CORO2B: variants seen among roughly 807,000 people sequenced by gnomAD.
CORO2B encodes coronin-2B.
CORO2B carries 26 observed loss-of-function variants against 58.8 expected under a neutral mutation model. The ratio of observed to expected loss-of-function variants is 0.44; its 90% CI spans 0.32 to 0.61. The LOEUF (loss-of-function observed/expected upper bound fraction) is 0.61, where lower values mean the gene tolerates loss of function less well. Ranked by LOEUF, CORO2B falls within the 20% of genes least tolerant of loss-of-function variation. CORO2B has a pLI of 0.04. For missense variants in CORO2B, 460 were observed against 645.1 expected (o/e 0.71, Z 3.11); for synonymous variants, 242 against 253.8 (o/e 0.95, Z 0.44).
At chr15:68,617,732 G>A (rs947583760) in intron 1 of CORO2B, among the ~76,000 whole-genome samples, 1 of 152,122 alleles carries the variant, frequency 6.6e-6, no homozygotes, top group African/African-American at 2.4e-5. Context: ...AGGGAGTCCT[G>A]GGTAAGCAGG....
chr15:68,534,182 A>G, the CORO2B span, among the ~76,000 whole-genome samples: 8 of 152,226 alleles, frequency 5.3e-5, no homozygotes, highest in African/African-American at 1.9e-4. Context: ...GATGCAGCTT[A>G]CCACCTTCAT....
intron 1 of CORO2B, among the ~76,000 whole-genome samples, chr15:68,623,418 G>A (rs545217737): frequency 6.6e-6 from 1 of 152,186 alleles, no homozygotes; most frequent in East Asian, 1.9e-4. Context: ...GTCCATGCAT[G>A]TGGAAGCCTG....
chr15:68,670,058 GA>G (rs34793532), intron 2 of CORO2B, among the ~76,000 whole-genome samples: 6 of 141,970 alleles, frequency 4.2e-5, no homozygotes, highest in South Asian at 2.2e-4. Context: ...CTCTGTCTCA[GA>G]AAAAAAAAAG....
At chr15:68,520,980 T>C in the CORO2B span, among the ~76,000 whole-genome samples, 285 of 151,790 alleles carry the variant, frequency 1.9e-3, 1 homozygote, top group African/African-American at 6.4e-3. Context: ...ACCTGGGAGG[T>C]GGAGGTTGAA....
chr15:68,683,892 G>A (rs991835547), intron 2 of CORO2B, among the ~76,000 whole-genome samples: 1 of 152,224 alleles, frequency 6.6e-6, no homozygotes, highest in Non-Finnish European at 1.5e-5. Context: ...GGCATGGGCA[G>A]TAGACTGAGG....
Position 68,713,998 on chromosome 15 carries a change from G to C in CORO2B, c.722G>C (p.Gly241Ala). Reference sequence around the variant, plus strand: ...AACATGAAGCGGCTCCTCACGACAGGGGTCTCCAGGTGGAACACAAGACAG... The same window carrying C: ...AACATGAAGCGGCTCCTCACGACAGCGGTCTCCAGGTGGAACACAAGACAG... ...LGNMKRLLTT[G>A]VSRWNTRQIA... Residue 241 changes from glycine (G) to alanine (A), a missense_variant, in exon 6 of 12, where the codon GGG becomes GCG. This residue lies in a region of CORO2B where 352 missense variants were observed against 543.0 expected (regional missense o/e 0.65). Coordinates refer to ENST00000261861, the MANE Select transcript of CORO2B (RefSeq NM_006091.5). The C allele has an allele frequency of 1.2e-6, 2 of 1,614,066 alleles. No individual in the cohort carries two copies. Among genetic ancestry groups the C allele is most frequent in the East Asian group, 2.2e-5 (1 of 44,870 alleles).
the CORO2B span, among the ~76,000 whole-genome samples, chr15:68,561,480 G>A: frequency 2.6e-5 from 4 of 152,316 alleles, no homozygotes; most frequent in Non-Finnish European, 5.9e-5. Flanking sequence ...GCTAACTGGG[G>A]CCCAGCGGGA....
the CORO2B span, among the ~76,000 whole-genome samples, chr15:68,540,614 G>T: frequency 6.6e-6 from 1 of 152,226 alleles, no homozygotes; most frequent in Non-Finnish European, 1.5e-5. Flanking sequence ...CAGAGCTGCT[G>T]TATACATTTT....
intron 2 of CORO2B, among the ~76,000 whole-genome samples, chr15:68,687,831 T>G (rs957612978): frequency 2.0e-5 from 3 of 152,188 alleles, no homozygotes; most frequent in African/African-American, 4.8e-5. Flanking sequence ...CTCACTTTTA[T>G]AACAAACCCA....
intron 8 of CORO2B, among the ~76,000 whole-genome samples, chr15:68,717,238 C>T (rs1373870576): frequency 2.6e-4 from 40 of 151,452 alleles, no homozygotes; most frequent in Non-Finnish European, 8.8e-5. Context: ...CGCTTGAACC[C>T]GGGAGGCAGA....
At chr15:68,571,108 G>A in the CORO2B span, among the ~76,000 whole-genome samples, 1 of 152,192 alleles carries the variant, frequency 6.6e-6, no homozygotes, top group South Asian at 2.1e-4. Context: ...TAGTGATCTG[G>A]ATGGTAAATA....
chr15:68,621,360 G>A (rs61297577), intron 1 of CORO2B, among the ~76,000 whole-genome samples: 4 of 152,222 alleles, frequency 2.6e-5, no homozygotes, highest in Non-Finnish European at 2.9e-5. Flanking sequence ...GAGCAAGCAC[G>A]ATGCAGGGAG....
chr15:68,690,592 C>T (rs1429860350), intron 2 of CORO2B, among the ~76,000 whole-genome samples: 3 of 150,774 alleles, frequency 2.0e-5, no homozygotes, highest in African/African-American at 7.3e-5. Flanking sequence ...TACATTATTA[C>T]AATCATGTAA....
the CORO2B span, among the ~76,000 whole-genome samples, chr15:68,538,722 A>C: frequency 6.6e-6 from 1 of 151,962 alleles, no homozygotes; most frequent in African/African-American, 2.4e-5. Context: ...TATAACAAAA[A>C]AAACCCAGCT....
In CORO2B at chr15:68,612,740, C is replaced by T. The variant is rs556086295; in HGVS notation, c.16-32420C>T. ...ATGAAGAAACTCATGATCCTCACGC[C>T]GCAGTCTCCTCCTCTGCAAATGAGG... is the stretch of plus-strand genomic sequence containing the variant. On this transcript the variant is annotated intron_variant, in intron 1 of 11. Transcript: ENST00000261861. Among the ~76,000 whole-genome samples the T allele has an allele frequency of 2.1e-4, 32 of 152,304 alleles. No homozygotes were observed. The South Asian group carries it at 3.7e-3, about 18-fold the overall frequency.
At chr15:68,528,283 A>G in the CORO2B span, among the ~76,000 whole-genome samples, 115 of 152,248 alleles carry the variant, frequency 7.6e-4, no homozygotes, top group African/African-American at 2.5e-3. Context: ...CGTTTTTTAT[A>G]TATTCTCTTT....
chr15:68,675,923 T>TA (rs1325073377), intron 2 of CORO2B, among the ~76,000 whole-genome samples: 1 of 151,804 alleles, frequency 6.6e-6, no homozygotes, highest in Non-Finnish European at 1.5e-5. Flanking sequence ...AGACAGATAA[T>TA]AAAGTGGATT....
At chr15:68,614,749 G>A (rs1006539720) in intron 1 of CORO2B, among the ~76,000 whole-genome samples, 1 of 152,212 alleles carries the variant, frequency 6.6e-6, no homozygotes, top group East Asian at 1.9e-4. Flanking sequence ...GGAGGGGCTG[G>A]TTCCAGGGCT....
At chr15:68,705,625 C>T (rs1313847933) in intron 3 of CORO2B, among the ~76,000 whole-genome samples, 1 of 152,108 alleles carries the variant, frequency 6.6e-6, no homozygotes, top group Non-Finnish European at 1.5e-5. Flanking sequence ...AAACAGCTCT[C>T]TTGGTTTCCA....
Sources: allele counts gnomAD v4.1 joint callset (sites outside exome capture counted in the v4.1 genomes callset), GRCh38; gene constraint gnomAD v4.1.1; regional missense constraint gnomAD v4.1.1; transcripts MANE v1.5; gene names NCBI Gene and HGNC (gene_info 2026-07-23, HGNC 2026-07-21).